The following KIRREL3 variants were observed in gnomAD, a reference collection of about 807,000 sequenced individuals.
The protein encoded by KIRREL3 is kin of IRRE-like protein 3.
In KIRREL3, 36 loss-of-function variants were observed where a neutral mutation model predicts 89.7. The observed-to-expected ratio is 0.40, with a 90% confidence interval of 0.31 to 0.53. The LOEUF is 0.53. KIRREL3 is among the 20% of genes least tolerant of loss of function. The pLI, the probability that KIRREL3 is intolerant of heterozygous loss-of-function variation, is 0.49. For synonymous variants in KIRREL3, 445 were observed against 441.4 expected (o/e 1.01, Z -0.10); for missense variants, 864 against 1,056.6 (o/e 0.82, Z 2.53).
At position 126,983,004 on chromosome 11, in the gene KIRREL3, A is replaced by G. The variant is rs1949760077; in HGVS notation, c.55+17451T>C. Among the ~76,000 whole-genome samples, 1 of 152,212 alleles carries G rather than the reference A, an allele frequency of 6.6e-6. No individual in the cohort carries two copies. The highest frequency in any genetic ancestry group is 1.5e-5 in the Non-Finnish European group (1 of 68,036). On this transcript the variant is annotated intron_variant, in intron 1 of 16. Transcript: ENST00000525144. This position sits in a 1 kb window ranked among gnomAD's most constrained non-coding sequence, Gnocchi z 4.9. ...TGCTAATCTCTCCCCCATGGGACCC[A>G]ATGATAGTTGCATCTAGTAGTAACT...
At position 126,796,251 on chromosome 11, in the gene KIRREL3, C is replaced by CA. The variant is rs1227589563; in HGVS notation, c.55+204203dup. Among the ~76,000 whole-genome samples the CA allele has an allele frequency of 6.6e-6, 1 of 150,816 alleles. No homozygotes were observed. Among genetic ancestry groups the CA allele is most frequent in the Non-Finnish European group, 1.5e-5 (1 of 67,718 alleles). ...ACTGATTCTATGTTAAAATGGTGAA[C>CA]AAAAAAACCAAGGACTTGACCAGAT... On this transcript the variant is annotated intron_variant, in intron 1 of 16. Coordinates refer to ENST00000525144, the MANE Select transcript of KIRREL3 (RefSeq NM_032531.4). This position sits in a 1 kb window ranked among gnomAD's most constrained non-coding sequence, Gnocchi z 5.1.
rs758086098 is a variant in KIRREL3 at position 126,436,938 on chromosome 11, G to A, written c.1425C>T (p.Thr475=). 4.7e-5 allele frequency: 75 copies of A among 1,611,380 alleles called. No homozygotes were observed. Among genetic ancestry groups the A allele is most frequent in the Non-Finnish European group, 5.5e-5 (65 of 1,178,906 alleles). ...TCAGGGTGGAGATGACGCCCTCCTC[G>A]GTGCTGATGGTCTCCACCGTATAGC... The part of the protein sequence containing the change: ...SGRYTVETIS[T]EEGVISTLTI... The change falls in exon 12 of 17, where the codon ACC becomes ACT. Residue 475 remains threonine (T), a synonymous_variant. Transcript: ENST00000525144.
rs950547300 is a variant in KIRREL3, at chr11:126,605,840, G to A, written c.56-42928C>T. On this transcript the variant is annotated intron_variant, in intron 1 of 16. Transcript: ENST00000525144. This position sits in a 1 kb window ranked among gnomAD's most constrained non-coding sequence, Gnocchi z 5.7. ...CCCTCTTGGGAGTTAAGCAGAGGGA[G>A]TCCTCTCATTGCATCTTTCCTCTGG... 1.3e-5 allele frequency among the ~76,000 whole-genome samples: 2 copies of A among 152,224 alleles called. No homozygotes were observed. Among genetic ancestry groups the A allele is most frequent in the Non-Finnish European group, 2.9e-5 (2 of 68,046 alleles).
intron 1 of KIRREL3, among the ~76,000 whole-genome samples, chr11:126,756,004 C>G (rs534880525): frequency 6.8e-4 from 103 of 152,270 alleles, no homozygotes; most frequent in Non-Finnish European, 1.3e-3. Flanking sequence ...AATTGACTAG[C>G]AATGGAATGG....
intron 1 of KIRREL3, among the ~76,000 whole-genome samples, chr11:126,665,958 C>G (rs1475417147): frequency 6.6e-6 from 1 of 152,182 alleles, no homozygotes; most frequent in Admixed American, 6.5e-5. Context: ...TATATACAAA[C>G]TTAGAGTAGT....
rs1939457016 is a variant in KIRREL3, at chr11:126,553,585, C to T, written c.133+9250G>A. Among the ~76,000 whole-genome samples the T allele has an allele frequency of 1.3e-5, 2 of 152,216 alleles. No individual in the cohort carries two copies. Among genetic ancestry groups the T allele is most frequent in the Non-Finnish European group, 2.9e-5 (2 of 68,036 alleles). Reference sequence around the variant, plus strand: ...TACCCATTTCATGAGCCCAGGTGGCCACCTCAAGGGAGCAGCTGGGGCTAT... The same window carrying T: ...TACCCATTTCATGAGCCCAGGTGGCTACCTCAAGGGAGCAGCTGGGGCTAT... On this transcript the variant is annotated intron_variant, in intron 2 of 16. Coordinates refer to ENST00000525144, the MANE Select transcript of KIRREL3 (RefSeq NM_032531.4). The surrounding 1 kb of genome is among the most constrained non-coding windows in gnomAD (Gnocchi z 4.7).
At chr11:126,760,862 G>A (rs577258879) in intron 1 of KIRREL3, among the ~76,000 whole-genome samples, 7 of 152,338 alleles carry the variant, frequency 4.6e-5, no homozygotes, top group East Asian at 3.9e-4. Flanking sequence ...TGAAACAGCC[G>A]ATGTGGAAAA....
In KIRREL3 at chr11:126,437,881, A is replaced by G. The variant is rs550693618; in HGVS notation, c.1354-872T>C. ...ATGTGTACTTACAGGTACACACACT[A>G]TGACATACACACACACCATGTGCTC... On this transcript the variant is annotated intron_variant, in intron 11 of 16. Transcript: ENST00000525144. Among the ~76,000 whole-genome samples, 3 of 152,202 alleles carry G rather than the reference A, an allele frequency of 2.0e-5. No individual in the cohort carries two copies. The South Asian group carries it at 6.2e-4, about 32-fold the overall frequency.
At chr11:126,861,669 G>A (rs1282283884) in intron 1 of KIRREL3, among the ~76,000 whole-genome samples, 1 of 152,170 alleles carries the variant, frequency 6.6e-6, no homozygotes, top group Non-Finnish European at 1.5e-5. Context: ...ACATGTAAAA[G>A]CCCTTTGTAA....
rs1286349349 is a variant in KIRREL3 at position 126,498,456 on chromosome 11, C to A, written c.433+22859G>T. 1.3e-5 allele frequency among the ~76,000 whole-genome samples: 2 copies of A among 152,152 alleles called. No homozygotes were observed. Among genetic ancestry groups the A allele is most frequent in the African/African-American group, 4.8e-5 (2 of 41,418 alleles). ...AGGAAAGACCTGCTGCTAATTGTCG[C>A]TAGGCATCACACTATCCTGTCTGTC... is the stretch of plus-strand genomic sequence containing the variant. On this transcript the variant is annotated intron_variant, in intron 4 of 16. Coordinates refer to ENST00000525144, the MANE Select transcript of KIRREL3 (RefSeq NM_032531.4). This position sits in a 1 kb window ranked among gnomAD's most constrained non-coding sequence, Gnocchi z 4.3.
intron 1 of KIRREL3, among the ~76,000 whole-genome samples, chr11:126,617,721 C>T (rs994766506): frequency 1.4e-4 from 22 of 152,188 alleles, no homozygotes; most frequent in Non-Finnish European, 2.4e-4. Context: ...GCAAGATAGG[C>T]ATTTTTATCC....
chr11:126,903,942 C>T lies in KIRREL3; in HGVS notation c.55+96513G>A, dbSNP rs1023567758. Among the ~76,000 whole-genome samples, 4 of 152,126 alleles carry T rather than the reference C, an allele frequency of 2.6e-5. No individual in the cohort carries two copies. Among genetic ancestry groups the T allele is most frequent in the African/African-American group, 9.7e-5 (4 of 41,430 alleles). ...CAATGAAAGTAATCCCTTGGTTCAC[C>T]CTGGAACAGAACCAGTTCTTTACAA... On this transcript the variant is annotated intron_variant, in intron 1 of 16. Coordinates refer to ENST00000525144, the MANE Select transcript of KIRREL3 (RefSeq NM_032531.4). The surrounding 1 kb of genome is among the most constrained non-coding windows in gnomAD (Gnocchi z 4.5).
intron 1 of KIRREL3, among the ~76,000 whole-genome samples, chr11:126,911,111 C>A (rs1946798272): frequency 6.6e-6 from 1 of 152,062 alleles, no homozygotes; most frequent in Admixed American, 6.5e-5. Context: ...AGAAGCAGCC[C>A]CAAGGTTCAA....
At position 126,571,484 on chromosome 11, in the gene KIRREL3, A is replaced by G. The variant is rs1008321488; in HGVS notation, c.56-8572T>C. 6.6e-6 allele frequency among the ~76,000 whole-genome samples: 1 copy of G among 152,212 alleles called. No individual in the cohort carries two copies. Among genetic ancestry groups the G allele is most frequent in the Non-Finnish European group, 1.5e-5 (1 of 68,026 alleles). On this transcript the variant is annotated intron_variant, in intron 1 of 16. Transcript: ENST00000525144. This position sits in a 1 kb window ranked among gnomAD's most constrained non-coding sequence, Gnocchi z 7.7. ...GTGTCTGCCACCTGGGACCAGGCTC[A>G]TGTAGTTCACCATCACAATGAAAGC...
Position 126,761,644 on chromosome 11 carries a change from C to A in KIRREL3, c.56-198732G>T, listed in dbSNP as rs995228967. On this transcript the variant is annotated intron_variant, in intron 1 of 16. Transcript: ENST00000525144. This position sits in a 1 kb window ranked among gnomAD's most constrained non-coding sequence, Gnocchi z 4.4. ...TTACTTTGAGACATAGTTACTCTTTCTTCTAAGGAATCTTGTAGAAATGTG... is the reference window on the plus strand; with the variant it reads ...TTACTTTGAGACATAGTTACTCTTTATTCTAAGGAATCTTGTAGAAATGTG... Among the ~76,000 whole-genome samples, 5 of 152,136 alleles carry A rather than the reference C, an allele frequency of 3.3e-5. No individual in the cohort carries two copies. Among genetic ancestry groups the A allele is most frequent in the Admixed American group, 6.5e-5 (1 of 15,274 alleles).
intron 1 of KIRREL3, among the ~76,000 whole-genome samples, chr11:126,741,042 AC>A (rs964803941): frequency 2.6e-5 from 4 of 152,294 alleles, no homozygotes; most frequent in African/African-American, 9.6e-5. Flanking sequence ...GGAATGGAAA[AC>A]CATCTCCTGG....
At chr11:126,436,291 A>T (rs987113407) in intron 12 of KIRREL3, among the ~76,000 whole-genome samples, 10 of 152,128 alleles carry the variant, frequency 6.6e-5, no homozygotes, top group Non-Finnish European at 1.0e-4. Flanking sequence ...AGCAAGCCTA[A>T]CCCCTTAGCT....
rs1183242759 is a variant in KIRREL3 at position 126,685,026 on chromosome 11, G to C, written c.56-122114C>G. On this transcript the variant is annotated intron_variant, in intron 1 of 16. Coordinates refer to ENST00000525144, the MANE Select transcript of KIRREL3 (RefSeq NM_032531.4). The surrounding 1 kb of genome is among the most constrained non-coding windows in gnomAD (Gnocchi z 5.5). ...CTCTTCTCCTCCTCTAATATGGAAG[G>C]AACGTTAGACACACATTCCTGTAGA... Among the ~76,000 whole-genome samples the C allele has an allele frequency of 6.6e-6, 1 of 152,046 alleles. No individual in the cohort carries two copies. The highest frequency in any genetic ancestry group is 2.4e-5 in the African/African-American group (1 of 41,374).
chr11:126,987,120 C>T lies in KIRREL3; in HGVS notation c.55+13335G>A, dbSNP rs1453815946. 6.6e-6 allele frequency among the ~76,000 whole-genome samples: 1 copy of T among 152,140 alleles called. No individual in the cohort carries two copies. The highest frequency in any genetic ancestry group is 1.5e-5 in the Non-Finnish European group (1 of 68,030). On this transcript the variant is annotated intron_variant, in intron 1 of 16. Coordinates refer to ENST00000525144, the MANE Select transcript of KIRREL3 (RefSeq NM_032531.4). This position sits in a 1 kb window ranked among gnomAD's most constrained non-coding sequence, Gnocchi z 4.6. ...TAGAGAATCTACGAACTCAGATAAC[C>T]CAGGAACCATAGAAAGACCCTAATA... is the stretch of plus-strand genomic sequence containing the variant.
Sources: allele counts gnomAD v4.1 joint callset (sites outside exome capture counted in the v4.1 genomes callset), GRCh38; gene constraint gnomAD v4.1.1; non-coding constraint Gnocchi (gnomAD v3.1); transcripts MANE v1.5; gene names NCBI Gene and HGNC (gene_info 2026-07-23, HGNC 2026-07-21).